The following CUEDC1 variants were observed in gnomAD, a reference collection of about 807,000 sequenced individuals.
CUEDC1 encodes the protein CUE domain containing 1, also known as CUE domain-containing protein 1.
A neutral mutation model predicts 43.7 loss-of-function variants in CUEDC1; 30 were observed. The ratio of observed to expected loss-of-function variants is 0.69; its 90% confidence interval spans 0.51 to 0.93. CUEDC1 has a LOEUF of 0.93. Ranked by LOEUF, CUEDC1 falls within the 40% of genes least tolerant of loss-of-function variation. The pLI is 0.00. For missense variants in CUEDC1, 486 were observed against 549.0 expected (o/e 0.89, Z 1.15); for synonymous variants, 223 against 223.6 (o/e 1.00, Z 0.02).
At chr17:57,952,040 A>G (rs1439185796) in intron 1 of CUEDC1, among the ~76,000 whole-genome samples, 1 of 152,150 alleles carries the variant, frequency 6.6e-6, no homozygotes, top group Non-Finnish European at 1.5e-5. Context: ...AACCCATGGT[A>G]GCCAGGGCCA....
intron 1 of CUEDC1, among the ~76,000 whole-genome samples, chr17:57,942,307 C>T (rs1158718948): frequency 1.3e-5 from 2 of 152,176 alleles, no homozygotes; most frequent in Non-Finnish European, 2.9e-5. Flanking sequence ...CTGCCACCTT[C>T]ATGGGGTGCG....
chr17:57,896,187 A>C (rs1245883169), intron 1 of CUEDC1, among the ~76,000 whole-genome samples: 1 of 152,196 alleles, frequency 6.6e-6, no homozygotes, highest in Non-Finnish European at 1.5e-5. Flanking sequence ...CTACTGATTC[A>C]GGAATTCCAC....
chr17:57,913,202 C>T (rs1598005267), intron 1 of CUEDC1, among the ~76,000 whole-genome samples: 2 of 152,040 alleles, frequency 1.3e-5, no homozygotes, highest in Non-Finnish European at 2.9e-5. Flanking sequence ...GTGGCAGGTG[C>T]CTGTAATCCC....
At chr17:57,896,170 C>T (rs1442870749) in intron 1 of CUEDC1, among the ~76,000 whole-genome samples, 1 of 152,180 alleles carries the variant, frequency 6.6e-6, no homozygotes, top group South Asian at 2.1e-4. Flanking sequence ...GCACACTTTG[C>T]ACCTACCTAC....
At chr17:57,872,456 G>A (rs1311855540) in intron 5 of CUEDC1, among the ~76,000 whole-genome samples, 1 of 152,022 alleles carries the variant, frequency 6.6e-6, no homozygotes, top group African/African-American at 2.4e-5. Flanking sequence ...GAGTCCCGAG[G>A]GAGAAAGGGG....
At chr17:57,897,816 C>T (rs1005054991) in intron 1 of CUEDC1, among the ~76,000 whole-genome samples, 1 of 152,180 alleles carries the variant, frequency 6.6e-6, no homozygotes, top group African/African-American at 2.4e-5. Flanking sequence ...AGTTTGAGAC[C>T]AGCCTGGCCA....
chr17:57,877,211 G>A (rs1331216052), intron 3 of CUEDC1, among the ~76,000 whole-genome samples: 1 of 152,188 alleles, frequency 6.6e-6, no homozygotes. Context: ...GCCTTGGTCT[G>A]GTGCTGAGGT....
intron 7 of CUEDC1, 50 bp downstream of exon 7, chr17:57,869,072 G>T: frequency 6.3e-7 from 1 of 1,592,232 alleles, no homozygotes; most frequent in South Asian, 1.1e-5. Context: ...AGGCCACAGG[G>T]CCTGTCTCAG....
rs116881973 is a variant in CUEDC1, at chr17:57,892,914, G to A, written c.-315-7035C>T. 1.6e-4 allele frequency among the ~76,000 whole-genome samples: 24 copies of A among 152,356 alleles called. No homozygotes were observed. In the East Asian group the frequency reaches 4.6e-3, roughly 29 times the overall value. On this transcript the variant is annotated intron_variant, in intron 1 of 10. Transcript: ENST00000577830. Reference sequence around the variant, plus strand: ...TTGGCAGACATCACTAATCCACCCAGGTATTACTGTCCTACAGAACACACA... The same window carrying A: ...TTGGCAGACATCACTAATCCACCCAAGTATTACTGTCCTACAGAACACACA...
chr17:57,923,466 A>T (rs1367561465), intron 1 of CUEDC1, among the ~76,000 whole-genome samples: 1 of 152,206 alleles, frequency 6.6e-6, no homozygotes, highest in Admixed American at 6.5e-5. Flanking sequence ...GCTTTCACGT[A>T]GAGCTGCCGT....
At chr17:57,882,499 G>A (rs573758559) in intron 2 of CUEDC1, among the ~76,000 whole-genome samples, 1 of 152,262 alleles carries the variant, frequency 6.6e-6, no homozygotes, top group East Asian at 1.9e-4. Flanking sequence ...CAGACTGTCA[G>A]GGCAAATCAG....
intron 1 of CUEDC1, among the ~76,000 whole-genome samples, chr17:57,944,610 G>A (rs1284544711): frequency 2.6e-5 from 4 of 152,188 alleles, no homozygotes; most frequent in Non-Finnish European, 4.4e-5. Flanking sequence ...TTGTTGTGGA[G>A]TATAATAATA....
chr17:57,922,289 A>AT (rs141714088), intron 1 of CUEDC1: 33,602 of 152,018 alleles, frequency 0.22, 4,303 homozygotes, highest in Non-Finnish European at 0.3. Context: ...AGGCTTCTTT[A>AT]CCCTGTTTCC....
intron 1 of CUEDC1, among the ~76,000 whole-genome samples, chr17:57,918,946 C>T (rs1395861209): frequency 2.0e-5 from 3 of 152,148 alleles, no homozygotes; most frequent in South Asian, 2.1e-4. Context: ...CTCCACCTCC[C>T]GGGATGAAGC....
In CUEDC1 at chr17:57,941,153, C is replaced by A. The variant is rs948056904; in HGVS notation, c.-316+14072G>T. 4.6e-5 allele frequency among the ~76,000 whole-genome samples: 7 copies of A among 152,230 alleles called. 1 individual carries two copies. The highest frequency in any genetic ancestry group is 1.7e-4 in the African/African-American group (7 of 41,466). ...GCAGGTGGCTGATGGAAAACAGAAG[C>A]CGCAAAAGACACCACTCATCTTCCC... On this transcript the variant is annotated intron_variant, in intron 1 of 10. Transcript: ENST00000577830.
chr17:57,924,704 T>G (rs2074729844), intron 1 of CUEDC1, among the ~76,000 whole-genome samples: 1 of 152,088 alleles, frequency 6.6e-6, no homozygotes, highest in African/African-American at 2.4e-5. Context: ...AGTGTCCCAC[T>G]TCTATGGAGC....
At chr17:57,935,339 A>T (rs1352709882) in intron 1 of CUEDC1, among the ~76,000 whole-genome samples, 1 of 149,402 alleles carries the variant, frequency 6.7e-6, no homozygotes, top group Non-Finnish European at 1.5e-5. Context: ...GACCAGCGTG[A>T]CAGTGATTTT....
In CUEDC1 at chr17:57,885,757, G is replaced by A; in HGVS notation, c.-193C>T. On this transcript the variant is annotated 5_prime_UTR_variant, in exon 2 of 11. Coordinates refer to ENST00000577830, the MANE Select transcript of CUEDC1 (RefSeq NM_001271875.2). Reference sequence around the variant, plus strand: ...AGGAGAGTACGGGCGCGGGGCCCCAGGCAGCCCTTGGAGAGCGGTCCTCGC... The same window carrying A: ...AGGAGAGTACGGGCGCGGGGCCCCAAGCAGCCCTTGGAGAGCGGTCCTCGC... 1 of 866,926 alleles carries A rather than the reference G, an allele frequency of 1.2e-6. No individual in the cohort carries two copies. The highest frequency in any genetic ancestry group is 1.5e-6 in the Non-Finnish European group (1 of 650,344). 53.7% of individuals were successfully genotyped at this position (866,926 alleles called of 1,614,324 possible).
At chr17:57,873,231 T>C (rs2074061171) in intron 4 of CUEDC1, among the ~76,000 whole-genome samples, 1 of 152,124 alleles carries the variant, frequency 6.6e-6, no homozygotes, top group Non-Finnish European at 1.5e-5. Context: ...TGGGGCACCT[T>C]GGGGCATGCC....
Sources: allele counts gnomAD v4.1 joint callset (sites outside exome capture counted in the v4.1 genomes callset), GRCh38; gene constraint gnomAD v4.1.1; transcripts MANE v1.5; gene names NCBI Gene and HGNC (gene_info 2026-07-23, HGNC 2026-07-21).